The following SCOC variants were observed in gnomAD, a reference collection of about 807,000 sequenced individuals.
SCOC encodes the protein short coiled-coil protein, also known as short coiled coil protein.
In SCOC, 7 loss-of-function variants were observed where a neutral mutation model predicts 9.9. That is an observed-to-expected ratio of 0.71 (90% CI 0.40 to 1.33). SCOC has a LOEUF of 1.33. Ranked by LOEUF, SCOC falls within the 40% of genes most tolerant of loss-of-function variation. The pLI is 0.01. For missense variants in SCOC, 66 were observed against 89.7 expected, an observed-to-expected ratio of 0.74 and a Z score of 1.07; for synonymous variants, 19 against 28.2, an observed-to-expected ratio of 0.67 and a Z score of 1.03.
chr4:140,275,546 C>T (rs945722758), intron 1 of SCOC, among the ~76,000 whole-genome samples: 5 of 152,138 alleles, frequency 3.3e-5, no homozygotes, highest in Admixed American at 1.3e-4. Context: ...TGACAAGTAA[C>T]GTTTAGTAAG....
At position 140,366,874 on chromosome 4, in the gene SCOC, G is replaced by A. The variant is rs894743756; in HGVS notation, c.71-12247G>A. 5 of 732,640 alleles carry A rather than the reference G, an allele frequency of 6.8e-6. No homozygotes were observed. The Admixed American group carries it at 9.9e-5, about 14-fold the overall frequency. The allele number at this position is 732,640 out of a possible 1,614,324, so 45.4% of individuals were successfully genotyped here. ...CCTGAACACCATGTTGGTGGCGTTT[G>A]GCAAGAAGGAAGAAGGCCAGGTGCA... On this transcript the variant is annotated intron_variant, in intron 2 of 4. Transcript: ENST00000338517.
chr4:140,374,263 A>C (rs941194698), intron 1 of SCOC: 6 of 430,654 alleles, frequency 1.4e-5, no homozygotes, highest in Non-Finnish European at 2.3e-5. Flanking sequence ...GTCCTGCTGA[A>C]CAAGTTTTGG....
chr4:140,261,574 C>CCAAT (rs1171316731), intron 1 of SCOC, among the ~76,000 whole-genome samples: 2 of 152,198 alleles, frequency 1.3e-5, no homozygotes, highest in Admixed American at 1.3e-4. Flanking sequence ...AGTGAGTACT[C>CCAAT]CAATGTGCAA....
At chr4:140,362,084 C>G (rs890066081) in intron 2 of SCOC, among the ~76,000 whole-genome samples, 2 of 117,726 alleles carry the variant, frequency 1.7e-5, no homozygotes, top group South Asian at 7.2e-4. Context: ...AGCCCCTATC[C>G]CTTAGTAGCA....
At chr4:140,330,593 G>A (rs1214029055) in intron 1 of SCOC, among the ~76,000 whole-genome samples, 1 of 152,198 alleles carries the variant, frequency 6.6e-6, no homozygotes, top group Non-Finnish European at 1.5e-5. Flanking sequence ...GGGCTGCAGA[G>A]TTGAGACATA....
chr4:140,290,137 C>A (rs1267756099), intron 1 of SCOC, among the ~76,000 whole-genome samples: 3 of 152,150 alleles, frequency 2.0e-5, no homozygotes, highest in Non-Finnish European at 4.4e-5. Context: ...GGAATGAGAG[C>A]CCAGGGAACT....
chr4:140,374,298 G>C, intron 1 of SCOC: 1 of 396,862 alleles, frequency 2.5e-6, no homozygotes, highest in South Asian at 1.8e-5. Flanking sequence ...AAAGGAGAAA[G>C]AGGATACATT....
At chr4:140,359,050 T>C (rs750311687) in intron 2 of SCOC, among the ~76,000 whole-genome samples, 1 of 152,240 alleles carries the variant, frequency 6.6e-6, no homozygotes, top group Non-Finnish European at 1.5e-5. Context: ...AGAAACTATT[T>C]GTTCTGTATA....
At chr4:140,289,693 T>C (rs1731411881) in intron 1 of SCOC, among the ~76,000 whole-genome samples, 1 of 152,194 alleles carries the variant, frequency 6.6e-6, no homozygotes, top group Non-Finnish European at 1.5e-5. Context: ...CAACAGGTTG[T>C]GCATTCAAAG....
chr4:140,268,942 A>G (rs557895259), intron 1 of SCOC, among the ~76,000 whole-genome samples: 2 of 152,288 alleles, frequency 1.3e-5, no homozygotes, highest in East Asian at 1.9e-4. Context: ...GTTTTACTGC[A>G]CTAGGCGATT....
chr4:140,260,427 C>T (rs1051971478), intron 1 of SCOC, among the ~76,000 whole-genome samples: 85 of 152,330 alleles, frequency 5.6e-4, no homozygotes, highest in African/African-American at 2.0e-3. Context: ...TTTTTCATAA[C>T]ATTACATATC....
At chr4:140,373,259 C>A, upstream of SCOC, 1 of 1,275,260 alleles carries the variant, frequency 7.8e-7, no homozygotes, top group Non-Finnish European at 9.9e-7. Flanking sequence ...TCGCTCATAC[C>A]AACCTCTTTC....
At chr4:140,316,369 ACC>A (rs34807876) in intron 1 of SCOC, among the ~76,000 whole-genome samples, 42,743 of 148,192 alleles carry the variant, frequency 0.29, 6,930 homozygotes, top group African/African-American at 0.45. Flanking sequence ...TCACAAACAT[ACC>A]CATTCTTTAG....
intron 2 of SCOC, among the ~76,000 whole-genome samples, chr4:140,362,084 C>T (rs890066081): frequency 8.5e-6 from 1 of 117,726 alleles, no homozygotes; most frequent in African/African-American, 2.9e-5. Flanking sequence ...AGCCCCTATC[C>T]CTTAGTAGCA....
chr4:140,313,221 T>C (rs1732205474), intron 1 of SCOC, among the ~76,000 whole-genome samples: 1 of 152,234 alleles, frequency 6.6e-6, no homozygotes, highest in Admixed American at 6.5e-5. Flanking sequence ...GTTTATCCTG[T>C]AAGCAAAAAG....
In SCOC at chr4:140,381,930, A is replaced by C. The variant is rs1266015446; in HGVS notation, c.*826A>C. 2.0e-5 allele frequency: 3 copies of C among 152,212 alleles called. No individual in the cohort carries two copies. The highest frequency in any genetic ancestry group is 6.5e-5 in the Admixed American group (1 of 15,290). The allele number at this position is 152,212 out of a possible 1,614,324, so 9.4% of individuals were successfully genotyped here. ...AGTACTCGGTAAACAGTAGTAACCA[A>C]ATATTTTCACTCCAGATTTGTGTTT... is the stretch of plus-strand genomic sequence containing the variant. On this transcript the variant is annotated 3_prime_UTR_variant, in exon 4 of 4. Transcript: ENST00000608372.
chr4:140,280,348 T>C (rs964585894), intron 1 of SCOC, among the ~76,000 whole-genome samples: 4 of 152,164 alleles, frequency 2.6e-5, no homozygotes, highest in African/African-American at 9.7e-5. Flanking sequence ...CAGCTGATCT[T>C]GAACTCCTGG....
At chr4:140,340,311 G>A (rs1020125884), upstream of SCOC, among the ~76,000 whole-genome samples, 4 of 151,862 alleles carry the variant, frequency 2.6e-5, no homozygotes, top group African/African-American at 7.3e-5. Flanking sequence ...GGGGTGGGGG[G>A]ATGGGGGAGG....
At chr4:140,329,640 G>T (rs1358964513) in intron 1 of SCOC, among the ~76,000 whole-genome samples, 1 of 152,042 alleles carries the variant, frequency 6.6e-6, no homozygotes, top group Admixed American at 6.6e-5. Context: ...GTGGGCTAAG[G>T]ACATGAATAG....
Sources: allele counts gnomAD v4.1 joint callset (sites outside exome capture counted in the v4.1 genomes callset), GRCh38; gene constraint gnomAD v4.1.1; transcripts MANE v1.5; gene names NCBI Gene and HGNC (gene_info 2026-07-23, HGNC 2026-07-21).